The following TAFA2 variants were observed in gnomAD, a reference collection of about 807,000 sequenced individuals.
TAFA2 encodes chemokine-like protein TAFA-2.
In TAFA2, 7 loss-of-function variants were observed where a neutral mutation model predicts 18.8. The ratio of observed to expected loss-of-function variants is 0.37; its 90% confidence interval spans 0.21 to 0.70. The LOEUF is 0.70. Ranked by LOEUF, TAFA2 falls within the 30% of genes least tolerant of loss-of-function variation. The pLI is 0.53. For missense variants in TAFA2, 122 were observed against 158.1 expected (o/e 0.77, Z 1.23); for synonymous variants, 60 against 54.2 (o/e 1.11, Z -0.47).
intron 1 of TAFA2, among the ~76,000 whole-genome samples, chr12:62,127,821 T>A (rs1219222447): frequency 6.6e-6 from 1 of 152,082 alleles, no homozygotes; most frequent in Non-Finnish European, 1.5e-5. Context: ...ATAATAGTTC[T>A]AATATCATAC....
intron 1 of TAFA2, among the ~76,000 whole-genome samples, chr12:62,156,677 T>C (rs1365073725): frequency 2.0e-5 from 3 of 152,178 alleles, no homozygotes; most frequent in Non-Finnish European, 2.9e-5. Flanking sequence ...TTGGAGATTA[T>C]TGTTCTCAGT....
At chr12:61,897,494 A>G (rs1335489992) in intron 1 of TAFA2, among the ~76,000 whole-genome samples, 1 of 152,188 alleles carries the variant, frequency 6.6e-6, no homozygotes, top group African/African-American at 2.4e-5. Flanking sequence ...GAAACTTACT[A>G]TCATAGCAGA....
At chr12:62,209,682 G>A (rs2062705664) in intron 1 of TAFA2, among the ~76,000 whole-genome samples, 1 of 152,214 alleles carries the variant, frequency 6.6e-6, no homozygotes, top group African/African-American at 2.4e-5. Context: ...ATGAGGAGAA[G>A]GGGAGTGAGA....
intron 2 of TAFA2, among the ~76,000 whole-genome samples, chr12:61,778,203 G>A (rs972338825): frequency 4.0e-5 from 6 of 151,740 alleles, no homozygotes; most frequent in Non-Finnish European, 7.4e-5. Flanking sequence ...TGTTGCAAGG[G>A]CTCACCCTAA....
chr12:61,831,580 A>G (rs922046925), intron 2 of TAFA2, among the ~76,000 whole-genome samples: 10 of 152,232 alleles, frequency 6.6e-5, no homozygotes, highest in East Asian at 3.9e-4. Flanking sequence ...GAAACAACAG[A>G]AAGTGTGAAG....
rs556113911 is a variant in TAFA2 at position 61,928,603 on chromosome 12, G to A, written c.-1-61177C>T. ...TAGTTCAACCATTGTGGAAGATAGT[G>A]TGGCAATTTCTCAAGTATCTAGAAC... On this transcript the variant is annotated intron_variant, in intron 1 of 4. Transcript: ENST00000416284. Among the ~76,000 whole-genome samples, 3 of 152,304 alleles carry A rather than the reference G, an allele frequency of 2.0e-5. No homozygotes were observed. In the South Asian group the frequency reaches 6.2e-4, roughly 32 times the overall value.
At chr12:61,782,025 G>A (rs1213063687) in intron 2 of TAFA2, among the ~76,000 whole-genome samples, 3 of 151,566 alleles carry the variant, frequency 2.0e-5, no homozygotes, top group Non-Finnish European at 4.4e-5. Context: ...AAAACAGTGG[G>A]ATTTGAGACT....
rs549714658 is a variant in TAFA2 at position 62,203,159 on chromosome 12, T to C, written c.-130+55604A>G. Among the ~76,000 whole-genome samples the C allele has an allele frequency of 3.0e-4, 45 of 152,340 alleles. No homozygotes were observed. The South Asian group carries it at 6.2e-3, about 21-fold the overall frequency. On this transcript the variant is annotated intron_variant, in intron 1 of 5. Coordinates refer to the TAFA2 transcript ENST00000551619. Reference sequence around the variant, plus strand: ...AGTTATGTGGTTCTGAGGGGGTTTCTTAAGTCTTGAGCTCTAATTTGATTG... The same window carrying C: ...AGTTATGTGGTTCTGAGGGGGTTTCCTAAGTCTTGAGCTCTAATTTGATTG...
intron 4 of TAFA2, among the ~76,000 whole-genome samples, chr12:61,723,462 A>G (rs1014519346): frequency 1.3e-5 from 2 of 152,124 alleles, no homozygotes; most frequent in African/African-American, 2.4e-5. Flanking sequence ...TAGAATCGAT[A>G]TTTGGATTCT....
intron 2 of TAFA2, among the ~76,000 whole-genome samples, chr12:61,769,036 G>T: frequency 6.6e-6 from 1 of 151,944 alleles, no homozygotes; most frequent in East Asian, 1.9e-4. Context: ...TCTTCAGGCT[G>T]CATGGAAGCT....
At chr12:61,767,644 C>T (rs908462248) in intron 2 of TAFA2, among the ~76,000 whole-genome samples, 3 of 152,046 alleles carry the variant, frequency 2.0e-5, no homozygotes, top group Non-Finnish European at 4.4e-5. Context: ...CAGTGATTGA[C>T]ATGAAAAGCA....
intron 3 of TAFA2, 66 bp from the exon 4 acceptor site, chr12:61,753,812 T>A: frequency 1.4e-6 from 2 of 1,440,868 alleles, no homozygotes; most frequent in Non-Finnish European, 1.9e-6. Context: ...TGTTCACCTT[T>A]AAAGAGGAAC....
intron 2 of TAFA2, among the ~76,000 whole-genome samples, chr12:61,768,690 G>C (rs1464248862): frequency 6.6e-6 from 1 of 152,074 alleles, no homozygotes; most frequent in African/African-American, 2.4e-5. Context: ...TCGGTCCCCA[G>C]GGAAGGCATT....
At position 61,954,294 on chromosome 12, in the gene TAFA2, A is replaced by C. The variant is rs1164483808; in HGVS notation, c.-1-86868T>G. Among the ~76,000 whole-genome samples, 5 of 152,230 alleles carry C rather than the reference A, an allele frequency of 3.3e-5. No individual in the cohort carries two copies. In the East Asian group the frequency reaches 9.6e-4, roughly 29 times the overall value. On this transcript the variant is annotated intron_variant, in intron 1 of 4. Transcript: ENST00000416284. The stretch of plus-strand genomic sequence containing the variant: ...TGAAGTTAAAGCATGAACTTAAGGC[A>C]ACTACAGAGCTAGTAATAGGAAATA...
chr12:62,044,910 C>A (rs1308785794), intron 1 of TAFA2, among the ~76,000 whole-genome samples: 2 of 152,082 alleles, frequency 1.3e-5, no homozygotes, highest in African/African-American at 4.8e-5. Flanking sequence ...ATTCTGCTTC[C>A]CCTAAAATTT....
intron 2 of TAFA2, among the ~76,000 whole-genome samples, chr12:61,781,909 A>C (rs1404402919): frequency 6.6e-6 from 1 of 151,658 alleles, no homozygotes; most frequent in Non-Finnish European, 1.5e-5. Flanking sequence ...GTAAAAATTG[A>C]AATGTATGAG....
chr12:62,029,716 G>A (rs1011311182), intron 1 of TAFA2, among the ~76,000 whole-genome samples: 12 of 151,954 alleles, frequency 7.9e-5, no homozygotes, highest in African/African-American at 2.7e-4. Flanking sequence ...TACAGGTCAA[G>A]GTCTCCCTAG....
At chr12:62,042,786 C>T (rs1018374129) in intron 1 of TAFA2, among the ~76,000 whole-genome samples, 6 of 152,042 alleles carry the variant, frequency 3.9e-5, no homozygotes, top group Admixed American at 3.9e-4. Context: ...AGCGGGGTCG[C>T]CTGTAAGCAT....
At chr12:62,155,373 C>T (rs750777231) in intron 1 of TAFA2, among the ~76,000 whole-genome samples, 3 of 152,064 alleles carry the variant, frequency 2.0e-5, no homozygotes, top group African/African-American at 4.8e-5. Context: ...GCCATACTAA[C>T]AAAAGCAATC....
Sources: gnomAD v4.1 joint callset for allele counts (sites outside exome capture counted in the v4.1 genomes callset) on GRCh38, gnomAD v4.1.1 for gene constraint, MANE v1.5 for transcripts, NCBI Gene and HGNC (gene_info 2026-07-23, HGNC 2026-07-21) for gene names.